Variants in CSMD2 observed in about 807,000 individuals in gnomAD.
The protein encoded by CSMD2 is CUB and sushi domain-containing protein 2.
A neutral mutation model predicts 398.5 loss-of-function variants in CSMD2; 130 were observed. That is an observed-to-expected ratio of 0.33 (90% CI 0.28 to 0.38). CSMD2 has a LOEUF of 0.38. Among genes scored for constraint, CSMD2 ranks in the 10% least tolerant of loss-of-function variants. The pLI is 1.00. For synonymous variants in CSMD2, 1,828 were observed against 1,908.5 expected, an observed-to-expected ratio of 0.96 and a Z score of 1.10; for missense variants, 3,829 against 4,764.9, an observed-to-expected ratio of 0.80 and a Z score of 5.78.
At chr1:33,791,115 G>C (rs1344128077) in intron 11 of CSMD2, among the ~76,000 whole-genome samples, 1 of 152,180 alleles carries the variant, frequency 6.6e-6, no homozygotes, top group African/African-American at 2.4e-5. Context: ...CAAGCCAGCT[G>C]TTACTAAATG....
chr1:33,691,864 C>T lies in CSMD2; in HGVS notation c.4052+1066G>A, dbSNP rs555921802. On this transcript the variant is annotated intron_variant, in intron 25 of 70. Coordinates refer to ENST00000373381, the MANE Select transcript of CSMD2 (RefSeq NM_001281956.2). ...CCTACTCCAGCCAGACTGTTTCCCC[C>T]CCAATTCCCTTGTTCTATCCTCCTT... 1.4e-3 allele frequency among the ~76,000 whole-genome samples: 212 copies of T among 152,308 alleles called. 1 individual carries two copies. The highest frequency in any genetic ancestry group is 5.0e-3 in the African/African-American group (206 of 41,576).
chr1:33,834,179 G>A (rs1349623770), intron 6 of CSMD2, among the ~76,000 whole-genome samples: 1 of 96,588 alleles, frequency 1.0e-5, no homozygotes, highest in African/African-American at 5.4e-5. Context: ...CCAAAAAAGA[G>A]CCCGCATCGC....
At chr1:33,526,603 C>T (rs754063297) in intron 65 of CSMD2, among the ~76,000 whole-genome samples, 6 of 152,190 alleles carry the variant, frequency 3.9e-5, no homozygotes, top group African/African-American at 7.2e-5. Context: ...GCTTAAGAGG[C>T]GAAGCTCATT....
At chr1:34,136,421 G>A (rs1014177690) in intron 1 of CSMD2, among the ~76,000 whole-genome samples, 2 of 152,160 alleles carry the variant, frequency 1.3e-5, no homozygotes, top group South Asian at 2.1e-4. Flanking sequence ...GAGTGTGAAC[G>A]CCAGTGTGGA....
chr1:33,828,247 G>A (rs1015266), intron 6 of CSMD2, among the ~76,000 whole-genome samples: 82,186 of 152,168 alleles, frequency 0.54, 22,292 homozygotes, highest in East Asian at 0.62. Flanking sequence ...GGCATTAGTA[G>A]GGAAACATAC....
chr1:33,681,747 C>T (rs1462440396), intron 25 of CSMD2, among the ~76,000 whole-genome samples: 1 of 152,172 alleles, frequency 6.6e-6, no homozygotes, highest in African/African-American at 2.4e-5. Context: ...AGGTAGATCA[C>T]CTGAGGTCAG....
chr1:34,142,261 C>A (rs1053139016), intron 1 of CSMD2, among the ~76,000 whole-genome samples: 15 of 152,116 alleles, frequency 9.9e-5, no homozygotes, highest in African/African-American at 3.6e-4. Flanking sequence ...CATCTAATAA[C>A]TACGAGCAAA....
In CSMD2 at chr1:33,996,266, C is replaced by T. The variant is rs370016940; in HGVS notation, c.517+36328G>A. On this transcript the variant is annotated intron_variant, in intron 3 of 70. Transcript: ENST00000373381. Reference sequence around the variant, plus strand: ...TTTCCTTCTGCCCCAATCCTGGACACACAGTGTCCACCAAAATAAAACTCG... The same window carrying T: ...TTTCCTTCTGCCCCAATCCTGGACATACAGTGTCCACCAAAATAAAACTCG... 7.9e-5 allele frequency among the ~76,000 whole-genome samples: 12 copies of T among 152,332 alleles called. No homozygotes were observed. In the East Asian group the frequency reaches 1.2e-3, roughly 15 times the overall value.
At position 33,954,889 on chromosome 1, in the gene CSMD2, G is replaced by A. The variant is rs61272399; in HGVS notation, c.518-18935C>T. ...TGAAAAGGTTCTGGAGATGGATGGC[G>A]GGGATGGTTATACAACAATGTGAAT... On this transcript the variant is annotated intron_variant, in intron 3 of 70. Transcript: ENST00000373381. Among the ~76,000 whole-genome samples the A allele has an allele frequency of 5.7e-3, 861 of 152,252 alleles. 19 individuals are homozygous for A. The highest frequency in any genetic ancestry group is 0.042 in the Admixed American group (642 of 15,292).
At chr1:34,032,829 G>C in intron 2 of CSMD2, 123 bp from the exon 3 acceptor site, 3 of 655,318 alleles carry the variant, frequency 4.6e-6, no homozygotes, top group Non-Finnish European at 7.7e-6. Flanking sequence ...GGTGTTCAAA[G>C]ACAAAGTGAT....
intron 2 of CSMD2, among the ~76,000 whole-genome samples, chr1:34,033,629 C>G (rs966610726): frequency 6.6e-6 from 1 of 152,186 alleles, no homozygotes; most frequent in Non-Finnish European, 1.5e-5. Context: ...TGTCCTTAAC[C>G]CCCTCTAAGC....
rs1655891544 is a variant in CSMD2, at chr1:33,537,314, G to A, written c.9805+122C>T. 6 of 1,194,984 alleles carry A rather than the reference G, an allele frequency of 5.0e-6. No individual in the cohort carries two copies. Among genetic ancestry groups the A allele is most frequent in the Non-Finnish European group, 7.2e-6 (6 of 834,482 alleles). 74.0% of individuals were successfully genotyped at this position (1,194,984 alleles called of 1,614,324 possible). ...ATCCTGCTGCAGAAGCTCAGAGGAT[G>A]AGATGTTCCCTTTTGCAGATGAGAC... is the stretch of plus-strand genomic sequence containing the variant. On this transcript the variant is annotated intron_variant, in intron 61 of 70. Transcript: ENST00000373381. The surrounding 1 kb of genome is among the most constrained non-coding windows in gnomAD (Gnocchi z 4.6).
At chr1:33,711,419 A>G (rs1021265168) in intron 21 of CSMD2, among the ~76,000 whole-genome samples, 5 of 152,346 alleles carry the variant, frequency 3.3e-5, no homozygotes, top group Admixed American at 2.6e-4. Flanking sequence ...CATCTGGACA[A>G]TAATAGCATT....
chr1:33,948,302 C>T (rs1191151514), intron 3 of CSMD2, among the ~76,000 whole-genome samples: 1 of 152,194 alleles, frequency 6.6e-6, no homozygotes, highest in Non-Finnish European at 1.5e-5. Context: ...AGAATGGACT[C>T]TACCCTCTGC....
intron 25 of CSMD2, among the ~76,000 whole-genome samples, chr1:33,679,564 A>G (rs1427562399): frequency 1.3e-5 from 2 of 152,216 alleles, no homozygotes; most frequent in African/African-American, 4.8e-5. Context: ...CCCCCGTGTA[A>G]AATGGCTGTA....
chr1:33,654,892 T>C (rs1329222431), intron 27 of CSMD2, among the ~76,000 whole-genome samples: 1 of 152,226 alleles, frequency 6.6e-6, no homozygotes, highest in Non-Finnish European at 1.5e-5. Flanking sequence ...CTGCCCCTGT[T>C]ACTCTCCCAC....
At position 33,515,370 on chromosome 1, in the gene CSMD2, A is replaced by T. The variant is rs1466566097; in HGVS notation, c.*1254T>A. 1 of 152,276 alleles carries T rather than the reference A, an allele frequency of 6.6e-6. No homozygotes were observed. The highest frequency in any genetic ancestry group is 1.9e-4 in the East Asian group (1 of 5,194). The allele number at this position is 152,276 out of a possible 1,614,324, so 9.4% of individuals were successfully genotyped here. On this transcript the variant is annotated 3_prime_UTR_variant, in exon 71 of 71. Coordinates refer to ENST00000373381, the MANE Select transcript of CSMD2 (RefSeq NM_001281956.2). Reference sequence around the variant, plus strand: ...ACAGCAGAACCCAGATAGGACACACAGGTGTCTTGCCTGGCTTTCCAGACC... The same window carrying T: ...ACAGCAGAACCCAGATAGGACACACTGGTGTCTTGCCTGGCTTTCCAGACC...
chr1:33,704,116 T>G (rs1645697471), intron 22 of CSMD2, among the ~76,000 whole-genome samples: 1 of 152,208 alleles, frequency 6.6e-6, no homozygotes, highest in Non-Finnish European at 1.5e-5. Context: ...TATTTCTAGG[T>G]GTCTTACAGT....
At chr1:33,780,603 A>G (rs1652613986) in intron 12 of CSMD2, among the ~76,000 whole-genome samples, 1 of 152,212 alleles carries the variant, frequency 6.6e-6, no homozygotes, top group South Asian at 2.1e-4. Flanking sequence ...CGTTTGCAAA[A>G]GCTATGTATT....
Sources: allele counts gnomAD v4.1 joint callset (sites outside exome capture counted in the v4.1 genomes callset), GRCh38; gene constraint gnomAD v4.1.1; non-coding constraint Gnocchi (gnomAD v3.1); transcripts MANE v1.5; gene names NCBI Gene and HGNC (gene_info 2026-07-23, HGNC 2026-07-21).